The following LITAF variants were observed in gnomAD, a reference collection of about 807,000 sequenced individuals.
LITAF encodes the protein lipopolysaccharide-induced tumor necrosis factor-alpha factor.
In LITAF, 9 loss-of-function variants were observed where a neutral mutation model predicts 14.5. The observed-to-expected ratio is 0.62, with a 90% CI of 0.37 to 1.08. The LOEUF (loss-of-function observed/expected upper bound fraction) is 1.08, where lower values mean the gene tolerates loss of function less well. Among genes scored for constraint, LITAF ranks in the 50% least tolerant of loss-of-function variants. The pLI is 0.01. For missense variants in LITAF, 206 were observed against 213.4 expected, an observed-to-expected ratio of 0.97 and a Z score of 0.22; for synonymous variants, 98 against 88.2, an observed-to-expected ratio of 1.11 and a Z score of -0.62.
intron 1 of LITAF, among the ~76,000 whole-genome samples, chr16:11,585,230 C>CAA (rs35542925): frequency 4.4e-5 from 4 of 90,680 alleles, no homozygotes; most frequent in African/African-American, 8.0e-5. Context: ...GACTCTGTCT[C>CAA]AAAAAAAAAA....
chr16:11,633,718 G>A (rs9646269), intron 2 of LITAF: 38,984 of 151,964 alleles, frequency 0.26, 5,274 homozygotes, highest in African/African-American at 0.32. Flanking sequence ...AAAAATGGGC[G>A]ACCAGCAGTC....
At chr16:11,636,583 C>T (rs1364402558), upstream of LITAF, among the ~76,000 whole-genome samples, 1 of 152,220 alleles carries the variant, frequency 6.6e-6, no homozygotes, top group African/African-American at 2.4e-5. Context: ...GAGCTCTCTA[C>T]CTGGCCAATG....
intron 1 of LITAF, among the ~76,000 whole-genome samples, chr16:11,567,802 T>G (rs537631983): frequency 9.2e-5 from 14 of 151,764 alleles, no homozygotes; most frequent in Non-Finnish European, 1.9e-4. Flanking sequence ...CTAGCCAACA[T>G]GGTGAAACCC....
chr16:11,593,032 G>A (rs1475432171), intron 1 of LITAF, among the ~76,000 whole-genome samples: 7 of 152,196 alleles, frequency 4.6e-5, no homozygotes, highest in African/African-American at 9.6e-5. Flanking sequence ...TTAGCCGGGC[G>A]TTATGGCAGG....
intron 1 of LITAF, among the ~76,000 whole-genome samples, chr16:11,581,622 A>T (rs2064737022): frequency 6.6e-6 from 1 of 152,194 alleles, no homozygotes; most frequent in African/African-American, 2.4e-5. Context: ...CTATCTCAAA[A>T]AATATATAAG....
intron 3 of LITAF, among the ~76,000 whole-genome samples, chr16:11,622,803 G>A (rs898258312): frequency 1.3e-5 from 2 of 152,212 alleles, no homozygotes; most frequent in East Asian, 1.9e-4. Context: ...CTTAGTGGAT[G>A]TTAAGTTGGA....
At chr16:11,624,048 G>A (rs1450417240) in intron 3 of LITAF, among the ~76,000 whole-genome samples, 1 of 152,146 alleles carries the variant, frequency 6.6e-6, no homozygotes, top group Non-Finnish European at 1.5e-5. Context: ...ACTTTGGGAG[G>A]CCAAGGCAGG....
intron 2 of LITAF, chr16:11,556,306 A>C: frequency 3.4e-6 from 2 of 596,840 alleles, no homozygotes; most frequent in Non-Finnish European, 6.0e-6. Flanking sequence ...GAAAGATCCT[A>C]AACCATACTT....
At chr16:11,610,314 T>G (rs562979299) in intron 3 of LITAF, among the ~76,000 whole-genome samples, 1 of 152,204 alleles carries the variant, frequency 6.6e-6, no homozygotes, top group South Asian at 2.1e-4. Context: ...AGGCCAAGAA[T>G]GTCCGGCAAG....
chr16:11,592,829 A>T (rs943790160), intron 1 of LITAF, among the ~76,000 whole-genome samples: 1 of 152,076 alleles, frequency 6.6e-6, no homozygotes, highest in Non-Finnish European at 1.5e-5. Context: ...TGAGGTCAGG[A>T]GTTTGAGACC....
chr16:11,556,424 C>T (rs1287051868), intron 2 of LITAF, 87 bp downstream of exon 2: 2 of 1,212,770 alleles, frequency 1.6e-6, no homozygotes, highest in East Asian at 5.0e-5. Context: ...CACTTAGACT[C>T]TTTGGCAGAG....
intron 3 of LITAF, among the ~76,000 whole-genome samples, chr16:11,624,575 G>A (rs1172516738): frequency 1.3e-5 from 2 of 152,230 alleles, no homozygotes; most frequent in African/African-American, 4.8e-5. Flanking sequence ...ATCTTGCACA[G>A]CAAGGCTGCC....
upstream of LITAF, among the ~76,000 whole-genome samples, chr16:11,602,760 C>G (rs935668762): frequency 8.8e-6 from 1 of 114,224 alleles, no homozygotes; most frequent in Admixed American, 9.1e-5. Flanking sequence ...TGGCTTGTTG[C>G]AAAAAAAAAA....
At chr16:11,560,584 A>C (rs1325522713) in intron 1 of LITAF, among the ~76,000 whole-genome samples, 1 of 150,708 alleles carries the variant, frequency 6.6e-6, no homozygotes. Context: ...TTCCATCTCA[A>C]AAAAAAAAAA....
At chr16:11,569,692 T>C (rs1349983765) in intron 1 of LITAF, among the ~76,000 whole-genome samples, 1 of 151,992 alleles carries the variant, frequency 6.6e-6, no homozygotes, top group Non-Finnish European at 1.5e-5. Flanking sequence ...CAGATGATGG[T>C]GAACAGGCAG....
chr16:11,611,604 A>G (rs937582033), intron 3 of LITAF, among the ~76,000 whole-genome samples: 1 of 151,894 alleles, frequency 6.6e-6, no homozygotes, highest in Non-Finnish European at 1.5e-5. Flanking sequence ...GCCAATTGGG[A>G]GCAAATTTCC....
intron 2 of LITAF, among the ~76,000 whole-genome samples, chr16:11,633,952 C>G (rs529010505): frequency 2.6e-5 from 4 of 152,280 alleles, no homozygotes; most frequent in African/African-American, 7.2e-5. Context: ...GCACCCAAAC[C>G]CTGGAACATA....
intron 1 of LITAF, among the ~76,000 whole-genome samples, chr16:11,577,148 C>T (rs540464487): frequency 6.6e-6 from 1 of 152,140 alleles, no homozygotes; most frequent in African/African-American, 2.4e-5. Flanking sequence ...TATTACGTTA[C>T]TCTCTGCCCA....
intron 1 of LITAF, among the ~76,000 whole-genome samples, chr16:11,569,968 T>C (rs2064515885): frequency 6.6e-6 from 1 of 151,336 alleles, no homozygotes; most frequent in Non-Finnish European, 1.5e-5. Context: ...GAAGCGGAGA[T>C]TGCAGTGAGA....
Sources: allele counts gnomAD v4.1 joint callset (sites outside exome capture counted in the v4.1 genomes callset), GRCh38; gene constraint gnomAD v4.1.1; transcripts MANE v1.5; gene names NCBI Gene and HGNC (gene_info 2026-07-23, HGNC 2026-07-21).